Variants in ADGRB3 observed in about 807,000 individuals in gnomAD.
ADGRB3 encodes the protein adhesion G protein-coupled receptor B3, also known as brain-specific angiogenesis inhibitor 3.
A neutral mutation model predicts 193.4 loss-of-function variants in ADGRB3; 37 were observed. The observed-to-expected ratio is 0.19, with a 90% CI of 0.15 to 0.25. The LOEUF (loss-of-function observed/expected upper bound fraction) is 0.25. Among genes scored for constraint, ADGRB3 ranks in the 10% least tolerant of loss-of-function variants. The probability of loss-of-function intolerance (pLI) is 1.00; values close to 1 mark genes in which losing one functional copy is unlikely to be tolerated. For missense variants in ADGRB3, 1,637 were observed against 1,852.9 expected, an observed-to-expected ratio of 0.88 and a Z score of 2.14; for synonymous variants, 690 against 644.2, an observed-to-expected ratio of 1.07 and a Z score of -1.08.
At chr6:68,903,992 GA>G (rs777405065) in intron 3 of ADGRB3, among the ~76,000 whole-genome samples, 1,429 of 83,986 alleles carry the variant, frequency 0.017, 23 homozygotes, top group South Asian at 0.047. Context: ...AAGACAATAT[GA>G]AAAAAAAAAA....
chr6:68,996,639 G>A (rs754854838), intron 11 of ADGRB3, among the ~76,000 whole-genome samples: 1 of 152,016 alleles, frequency 6.6e-6, no homozygotes, highest in Non-Finnish European at 1.5e-5. Context: ...TGCTTCCTCT[G>A]TGTTTTCAGA....
At chr6:69,305,876 T>G (rs1221948318) in intron 20 of ADGRB3, among the ~76,000 whole-genome samples, 1 of 151,464 alleles carries the variant, frequency 6.6e-6, no homozygotes, top group Non-Finnish European at 1.5e-5. Flanking sequence ...AAAATACCCC[T>G]GGGAAAAATA....
chr6:68,896,842 T>C (rs1766231648), intron 3 of ADGRB3, among the ~76,000 whole-genome samples: 1 of 152,172 alleles, frequency 6.6e-6, no homozygotes, highest in Admixed American at 6.6e-5. Context: ...ATAATACTCT[T>C]TCCAGGGAGA....
In ADGRB3 at chr6:69,127,903, T is replaced by TGTTG. The variant is rs1554149855; in HGVS notation, c.2480+51865_2480+51866insGTTG. Reference sequence around the variant, plus strand: ...CTACAGCCAAGATAATAGTTTTTTTTTTGTTTTTTTTTTCTGGCATGGCAT... The same window carrying TGTTG: ...CTACAGCCAAGATAATAGTTTTTTTTGTTGTTGTTTTTTTTTTCTGGCATGGCAT... On this transcript the variant is annotated intron_variant, in intron 17 of 31. Coordinates refer to ENST00000370598, the MANE Select transcript of ADGRB3 (RefSeq NM_001704.3). Among the ~76,000 whole-genome samples the TGTTG allele has an allele frequency of 1.8e-3, 108 of 60,238 alleles. 1 individual carries two copies. Among genetic ancestry groups the TGTTG allele is most frequent in the Admixed American group, 4.7e-3 (24 of 5,108 alleles). The allele number at this position is 60,238 out of a possible 152,430, so 39.5% of individuals were successfully genotyped here.
intron 10 of ADGRB3, among the ~76,000 whole-genome samples, chr6:68,991,464 C>T (rs1431107454): frequency 6.6e-6 from 1 of 151,738 alleles, no homozygotes; most frequent in Non-Finnish European, 1.5e-5. Flanking sequence ...GACACGGACT[C>T]CATTTTAGGT....
intron 13 of ADGRB3, among the ~76,000 whole-genome samples, chr6:69,018,735 A>G (rs1770170329): frequency 6.6e-6 from 1 of 151,856 alleles, no homozygotes; most frequent in Non-Finnish European, 1.5e-5. Context: ...TTGTAGGCCT[A>G]TTTTTGTGTA....
At chr6:68,763,937 T>G (rs1223825707) in intron 3 of ADGRB3, among the ~76,000 whole-genome samples, 1 of 151,794 alleles carries the variant, frequency 6.6e-6, no homozygotes, top group Non-Finnish European at 1.5e-5. Context: ...ACCTGGTGTG[T>G]TGGAGTGTGT....
intron 19 of ADGRB3, 101 bp from the exon 20 acceptor site, chr6:69,239,023 G>A (rs1278967932): frequency 1.8e-6 from 1 of 565,310 alleles, no homozygotes; most frequent in African/African-American, 1.9e-5. Flanking sequence ...CTGTGCTACA[G>A]TACTTATTTT....
chr6:68,700,966 A>G (rs1056078538), intron 3 of ADGRB3, among the ~76,000 whole-genome samples: 11 of 152,164 alleles, frequency 7.2e-5, no homozygotes, highest in Non-Finnish European at 1.2e-4. Flanking sequence ...AACTTGAAGT[A>G]TAATAAAGAA....
At chr6:69,186,915 G>A (rs191206833) in intron 17 of ADGRB3, among the ~76,000 whole-genome samples, 125 of 149,954 alleles carry the variant, frequency 8.3e-4, no homozygotes, top group African/African-American at 2.9e-3. Context: ...CCTCTGTATA[G>A]TCATAGCAAG....
chr6:69,312,608 T>A (rs1202157860), intron 20 of ADGRB3, among the ~76,000 whole-genome samples: 2 of 151,676 alleles, frequency 1.3e-5, no homozygotes, highest in Non-Finnish European at 3.0e-5. Context: ...CTCTTAGGTA[T>A]GTAGAGAGGT....
At chr6:69,264,193 C>T (rs1766985887) in intron 20 of ADGRB3, among the ~76,000 whole-genome samples, 1 of 151,904 alleles carries the variant, frequency 6.6e-6, no homozygotes, top group South Asian at 2.1e-4. Flanking sequence ...GAGAAGGAAA[C>T]TCTCTAGGGA....
chr6:69,187,392 C>T (rs773594294), intron 17 of ADGRB3, among the ~76,000 whole-genome samples: 1 of 152,066 alleles, frequency 6.6e-6, no homozygotes, highest in Non-Finnish European at 1.5e-5. Context: ...TCTGGTGATG[C>T]ACTAAAATTA....
At chr6:68,796,271 T>G (rs1767206236) in intron 3 of ADGRB3, among the ~76,000 whole-genome samples, 1 of 152,114 alleles carries the variant, frequency 6.6e-6, no homozygotes. Flanking sequence ...ATCAACATAT[T>G]TTTTTATATA....
chr6:69,117,552 C>G (rs978138142), intron 17 of ADGRB3, among the ~76,000 whole-genome samples: 8 of 152,078 alleles, frequency 5.3e-5, no homozygotes, highest in African/African-American at 1.9e-4. Context: ...AAGCCAAATT[C>G]TTGGAGGCAA....
intron 5 of ADGRB3, among the ~76,000 whole-genome samples, chr6:68,941,447 C>G (rs1227392402): frequency 2.0e-5 from 3 of 152,042 alleles, no homozygotes; most frequent in Non-Finnish European, 4.4e-5. Context: ...TCTGAAGATT[C>G]CAGTTTCATA....
At chr6:69,371,125 G>T (rs1769697829) in intron 29 of ADGRB3, among the ~76,000 whole-genome samples, 1 of 152,078 alleles carries the variant, frequency 6.6e-6, no homozygotes, top group Non-Finnish European at 1.5e-5. Flanking sequence ...TGCATTTTCA[G>T]TCTTAAGCAG....
chr6:69,213,121 T>A (rs1273934990), intron 17 of ADGRB3, among the ~76,000 whole-genome samples: 1 of 152,150 alleles, frequency 6.6e-6, no homozygotes, highest in East Asian at 1.9e-4. Context: ...TAGCACAAAA[T>A]TAAAGTGCAT....
intron 3 of ADGRB3, among the ~76,000 whole-genome samples, chr6:68,739,666 G>T (rs761749770): frequency 5.9e-5 from 9 of 152,120 alleles, no homozygotes; most frequent in Non-Finnish European, 1.0e-4. Flanking sequence ...GATATGGAAA[G>T]AGAGGAGAAG....
Sources: gnomAD v4.1 joint callset for allele counts (sites outside exome capture counted in the v4.1 genomes callset) on GRCh38, gnomAD v4.1.1 for gene constraint, MANE v1.5 for transcripts, NCBI Gene and HGNC (gene_info 2026-07-23, HGNC 2026-07-21) for gene names.